AGBL1: variants seen among roughly 807,000 people sequenced by gnomAD.
AGBL1 encodes the protein AGBL carboxypeptidase 1, also known as cytosolic carboxypeptidase 4.
AGBL1 carries 130 observed loss-of-function variants against 118.9 expected under a neutral mutation model. That is an observed-to-expected ratio of 1.09 (90% confidence interval 0.95 to 1.26). AGBL1 has a LOEUF of 1.26. Among genes scored for constraint, AGBL1 ranks in the 50% most tolerant of loss-of-function variants. The pLI is 0.00. For synonymous variants in AGBL1, 555 were observed against 478.9 expected (o/e 1.16, Z -2.08); for missense variants, 1,584 against 1,298.1 (o/e 1.22, Z -3.38).
intron 22 of AGBL1, among the ~76,000 whole-genome samples, chr15:86,784,442 T>C (rs1291648587): frequency 6.6e-6 from 1 of 152,226 alleles, no homozygotes; most frequent in African/African-American, 2.4e-5. Context: ...CGGATTTTAC[T>C]GTGAATAAAA....
chr15:86,417,405 T>C (rs1415656721), intron 18 of AGBL1, among the ~76,000 whole-genome samples: 1 of 152,228 alleles, frequency 6.6e-6, no homozygotes, highest in Non-Finnish European at 1.5e-5. Context: ...GATCTCTCCA[T>C]CATTCCGATT....
intron 22 of AGBL1, among the ~76,000 whole-genome samples, chr15:86,739,892 C>A (rs1452442): frequency 0.19 from 28,208 of 152,072 alleles, 2,951 homozygotes; most frequent in African/African-American, 0.29. Flanking sequence ...CCTAATGAAT[C>A]ACTGAGCCCT....
intron 18 of AGBL1, among the ~76,000 whole-genome samples, chr15:86,406,362 A>T (rs2081530737): frequency 6.6e-6 from 1 of 152,226 alleles, no homozygotes; most frequent in Non-Finnish European, 1.5e-5. Context: ...AACATGCCGT[A>T]GTATGGTTCT....
chr15:86,445,598 T>C (rs1443844624), intron 18 of AGBL1, among the ~76,000 whole-genome samples: 1 of 152,218 alleles, frequency 6.6e-6, no homozygotes, highest in Non-Finnish European at 1.5e-5. Context: ...AGTGTGGTAA[T>C]AGAGTGCAGC....
chr15:86,717,695 G>A (rs1467588196), intron 22 of AGBL1, among the ~76,000 whole-genome samples: 1 of 129,094 alleles, frequency 7.7e-6, no homozygotes, highest in Non-Finnish European at 1.8e-5. Flanking sequence ...GGACTTCAGG[G>A]ATCTTTGTTT....
At chr15:86,667,594 T>A (rs2085669965) in intron 21 of AGBL1, among the ~76,000 whole-genome samples, 1 of 152,250 alleles carries the variant, frequency 6.6e-6, no homozygotes, top group Non-Finnish European at 1.5e-5. Flanking sequence ...TTATTTTCTT[T>A]AATTATATTT....
intron 22 of AGBL1, among the ~76,000 whole-genome samples, chr15:86,900,925 T>G (rs921051048): frequency 5.9e-5 from 9 of 152,184 alleles, no homozygotes; most frequent in Non-Finnish European, 1.0e-4. Context: ...TAGTGTCAAT[T>G]TTATACATGA....
intron 18 of AGBL1, among the ~76,000 whole-genome samples, chr15:86,496,312 C>G (rs2142152241): frequency 6.6e-6 from 1 of 152,140 alleles, no homozygotes; most frequent in African/African-American, 2.4e-5. Context: ...CCTGAGGCCT[C>G]CTCAGCCATG....
intron 23 of AGBL1, among the ~76,000 whole-genome samples, chr15:86,923,421 T>A (rs1488158931): frequency 6.6e-6 from 1 of 152,196 alleles, no homozygotes; most frequent in South Asian, 2.1e-4. Context: ...TTATCCTGCC[T>A]GTTATCACCT....
chr15:86,254,293 A>G (rs1021792014), intron 7 of AGBL1, among the ~76,000 whole-genome samples: 7 of 152,182 alleles, frequency 4.6e-5, no homozygotes, highest in African/African-American at 1.7e-4. Flanking sequence ...TTCACACACA[A>G]CATTAGGAGA....
chr15:86,721,442 T>G (rs1222189872), intron 22 of AGBL1, among the ~76,000 whole-genome samples: 1 of 152,098 alleles, frequency 6.6e-6, no homozygotes, highest in Non-Finnish European at 1.5e-5. Flanking sequence ...TTTGACAAAA[T>G]TCAACAACGC....
At chr15:86,534,846 A>G (rs2083402693) in intron 19 of AGBL1, among the ~76,000 whole-genome samples, 1 of 152,198 alleles carries the variant, frequency 6.6e-6, no homozygotes, top group Non-Finnish European at 1.5e-5. Context: ...CAGTGAAAGT[A>G]ATTTATGGGG....
intron 9 of AGBL1, among the ~76,000 whole-genome samples, chr15:86,258,554 A>C (rs1294526934): frequency 6.6e-6 from 1 of 152,198 alleles, no homozygotes; most frequent in African/African-American, 2.4e-5. Flanking sequence ...CCTATTCTAT[A>C]GAAGAGAGGT....
intron 23 of AGBL1, among the ~76,000 whole-genome samples, chr15:86,987,499 G>C (rs897306381): frequency 1.3e-5 from 2 of 151,930 alleles, no homozygotes; most frequent in African/African-American, 4.8e-5. Flanking sequence ...TTGACTTACC[G>C]TACAGGCCAA....
chr15:86,952,446 T>C (rs1052049611), intron 23 of AGBL1, among the ~76,000 whole-genome samples: 5 of 152,204 alleles, frequency 3.3e-5, no homozygotes, highest in African/African-American at 1.2e-4. Flanking sequence ...TGACACTTAA[T>C]GTGATTATTG....
intron 22 of AGBL1, among the ~76,000 whole-genome samples, chr15:86,785,803 C>A (rs960607653): frequency 6.6e-6 from 1 of 152,160 alleles, no homozygotes; most frequent in East Asian, 1.9e-4. Flanking sequence ...CCCAAGAGAA[C>A]TGAGTTATAG....
chr15:86,705,947 ATC>A (rs1025320209), intron 22 of AGBL1, among the ~76,000 whole-genome samples: 6 of 151,156 alleles, frequency 4.0e-5, no homozygotes, highest in Non-Finnish European at 5.9e-5. Context: ...TACTGAAACC[ATC>A]TCTCTTACTT....
chr15:86,383,247 TAAAAAAAAAAAAAAA>T (rs4035838), intron 17 of AGBL1, among the ~76,000 whole-genome samples: 6 of 54,478 alleles, frequency 1.1e-4, no homozygotes, highest in Admixed American at 5.2e-4. Flanking sequence ...ATTCAGTATG[TAAAAAAAAAAAAAAA>T]AAAAAAAAAA....
At chr15:86,840,175 C>G (rs948281263) in intron 22 of AGBL1, among the ~76,000 whole-genome samples, 1 of 152,154 alleles carries the variant, frequency 6.6e-6, no homozygotes, top group Non-Finnish European at 1.5e-5. Flanking sequence ...CAAATCTTTG[C>G]GTTTGTCAAC....
Sources: allele counts gnomAD v4.1 joint callset (sites outside exome capture counted in the v4.1 genomes callset), GRCh38; gene constraint gnomAD v4.1.1; transcripts MANE v1.5; gene names NCBI Gene and HGNC (gene_info 2026-07-23, HGNC 2026-07-21).